The following ZDHHC15 variants were observed in gnomAD, a reference collection of about 807,000 sequenced individuals.
The protein encoded by ZDHHC15 is palmitoyltransferase ZDHHC15.
A neutral mutation model predicts 31.7 loss-of-function variants in ZDHHC15; 19 were observed. The observed-to-expected ratio is 0.60, with a 90% CI of 0.42 to 0.88. ZDHHC15 has a LOEUF of 0.88. Among genes scored for constraint, ZDHHC15 ranks in the 40% least tolerant of loss-of-function variants. ZDHHC15 has a pLI of 0.00. For missense variants in ZDHHC15, 209 were observed against 251.2 expected (o/e 0.83, Z 1.14); for synonymous variants, 103 against 90.0 (o/e 1.14, Z -0.82).
chrX:75,375,868 A>G (rs1202558353), intron 11 of ZDHHC15, among the ~76,000 whole-genome samples: 1 of 111,896 alleles, frequency 8.9e-6, no homozygotes, highest in Non-Finnish European at 1.9e-5. Flanking sequence ...TGTGATGAAC[A>G]TATATGTACA....
At chrX:75,522,754 C>T in intron 1 of ZDHHC15, 135 bp downstream of exon 1, 1 of 874,257 alleles carries the variant, frequency 1.1e-6, no homozygotes. Context: ...AGGCTGGGGA[C>T]AAGGAACTCT....
intron 4 of ZDHHC15, among the ~76,000 whole-genome samples, chrX:75,445,396 C>G (rs1024497591): frequency 3.6e-5 from 4 of 111,642 alleles, no homozygotes; most frequent in South Asian, 3.7e-4. Flanking sequence ...CTTAGTCAAC[C>G]ATTTATGAGA....
At chrX:75,422,583 G>C (rs1376596084) in intron 8 of ZDHHC15, among the ~76,000 whole-genome samples, 1 of 111,366 alleles carries the variant, frequency 9.0e-6, no homozygotes, top group African/African-American at 3.3e-5. Context: ...ATTATTTTTA[G>C]ACACACATTT....
chrX:75,404,926 A>G (rs989890569), intron 10 of ZDHHC15, among the ~76,000 whole-genome samples: 3 of 112,149 alleles, frequency 2.7e-5, no homozygotes, highest in East Asian at 5.6e-4. Context: ...ACACATGCAC[A>G]CAAATGTTCA....
intron 3 of ZDHHC15, among the ~76,000 whole-genome samples, chrX:75,477,013 C>G (rs1029509469): frequency 1.8e-5 from 2 of 111,257 alleles, no homozygotes; most frequent in Non-Finnish European, 3.8e-5. Context: ...AAGGTACTTA[C>G]AGCCATAAAT....
intron 2 of ZDHHC15, among the ~76,000 whole-genome samples, chrX:75,488,190 A>C (rs1374318372): frequency 9.0e-6 from 1 of 111,722 alleles, no homozygotes; most frequent in Non-Finnish European, 1.9e-5. Flanking sequence ...AATTCATCGC[A>C]AAAAGATCAT....
At chrX:75,444,804 T>TA (rs1245156386) in intron 4 of ZDHHC15, among the ~76,000 whole-genome samples, 5 of 103,650 alleles carry the variant, frequency 4.8e-5, no homozygotes, top group East Asian at 3.0e-4. Context: ...ATATCCGTTA[T>TA]AAAAAAAAAT....
At chrX:75,492,258 C>T (rs1602724300) in intron 2 of ZDHHC15, among the ~76,000 whole-genome samples, 1 of 111,714 alleles carries the variant, frequency 9.0e-6, no homozygotes, top group South Asian at 3.7e-4. Flanking sequence ...GAACCCAATA[C>T]AGGAGCACCC....
At chrX:75,507,873 G>A (rs2085192619) in intron 1 of ZDHHC15, among the ~76,000 whole-genome samples, 1 of 111,392 alleles carries the variant, frequency 9.0e-6, no homozygotes, top group Non-Finnish European at 1.9e-5. Flanking sequence ...TAAAACCAAA[G>A]CATAGTTTAT....
chrX:75,464,506 C>CA (rs1167059182), intron 3 of ZDHHC15, among the ~76,000 whole-genome samples: 2 of 110,505 alleles, frequency 1.8e-5, no homozygotes, highest in Non-Finnish European at 3.8e-5. Context: ...CTTGTTAAAA[C>CA]AAAAAAAGAA....
chrX:75,448,643 T>G (rs1444776671), intron 4 of ZDHHC15, among the ~76,000 whole-genome samples: 4 of 111,416 alleles, frequency 3.6e-5, no homozygotes. Flanking sequence ...AAGGGGTTAG[T>G]GCGTTTTCAG....
chrX:75,412,505 T>A (rs1210521423), intron 10 of ZDHHC15, among the ~76,000 whole-genome samples: 2 of 110,723 alleles, frequency 1.8e-5, no homozygotes, highest in Non-Finnish European at 1.9e-5. Context: ...GATCTTGGCT[T>A]ACTGCAACCT....
At chrX:75,443,609 T>A (rs932981030) in intron 4 of ZDHHC15, among the ~76,000 whole-genome samples, 15 of 111,728 alleles carry the variant, frequency 1.3e-4, no homozygotes, top group African/African-American at 4.9e-4. Context: ...AAGCCAAAAT[T>A]GACAAATGGG....
In ZDHHC15 at chrX:75,382,807, T is replaced by A. The variant is rs1328757907; in HGVS notation, c.968-3609A>T. Among the ~76,000 whole-genome samples the A allele has an allele frequency of 4.5e-5, 5 of 111,876 alleles. No homozygotes were observed. In the East Asian group the frequency reaches 1.4e-3, roughly 31 times the overall value. On this transcript the variant is annotated intron_variant, in intron 10 of 11. Transcript: ENST00000373367. ...GATATCAGGTTGAGGTTAGTCAGCT[T>A]GACATCTGTCCCATCAGTGTAAGGT...
chrX:75,489,312 CCT>C (rs1460833316), intron 2 of ZDHHC15, among the ~76,000 whole-genome samples: 1 of 112,035 alleles, frequency 8.9e-6, no homozygotes, highest in African/African-American at 3.2e-5. Flanking sequence ...GTCCCTGACC[CCT>C]GAGCAGCCTA....
intron 10 of ZDHHC15, among the ~76,000 whole-genome samples, chrX:75,383,538 C>T (rs2083139374): frequency 9.1e-6 from 1 of 110,474 alleles, no homozygotes; most frequent in African/African-American, 3.3e-5. Flanking sequence ...CTTCAAGGCC[C>T]AAATTCTCCC....
intron 10 of ZDHHC15, among the ~76,000 whole-genome samples, chrX:75,392,205 C>T (rs186878923): frequency 1.1e-3 from 123 of 111,876 alleles, no homozygotes; most frequent in East Asian, 0.01. Context: ...AGAGCCAGTC[C>T]GAGATCCAAA....
intron 3 of ZDHHC15, among the ~76,000 whole-genome samples, chrX:75,463,949 G>A (rs1463835024): frequency 8.9e-6 from 1 of 111,746 alleles, no homozygotes; most frequent in Non-Finnish European, 1.9e-5. Flanking sequence ...ATACCCAAAG[G>A]ATTATAAATC....
At chrX:75,490,610 G>A (rs1359225675) in intron 2 of ZDHHC15, among the ~76,000 whole-genome samples, 2 of 111,374 alleles carry the variant, frequency 1.8e-5, no homozygotes, top group South Asian at 3.8e-4. Context: ...ATACTGATTC[G>A]TCCTCCCCAT....
Sources: gnomAD v4.1 joint callset for allele counts (sites outside exome capture counted in the v4.1 genomes callset) on GRCh38, gnomAD v4.1.1 for gene constraint, MANE v1.5 for transcripts, NCBI Gene and HGNC (gene_info 2026-07-23, HGNC 2026-07-21) for gene names.